The following TENM4 variants were observed in gnomAD, a reference collection of about 807,000 sequenced individuals.
TENM4 encodes the protein teneurin-4.
A neutral mutation model predicts 243.3 loss-of-function variants in TENM4; 82 were observed. The observed-to-expected ratio is 0.34, with a 90% CI of 0.28 to 0.40. TENM4 has a LOEUF of 0.40. TENM4 is among the 10% of genes least tolerant of loss of function. The probability of loss-of-function intolerance (pLI) is 1.00; values close to 1 mark genes in which losing one functional copy is unlikely to be tolerated. For missense variants in TENM4, 3,138 were observed against 3,673.3 expected, an observed-to-expected ratio of 0.85 and a Z score of 3.77; for synonymous variants, 1,412 against 1,456.3, an observed-to-expected ratio of 0.97 and a Z score of 0.69.
chr11:79,064,917 C>T lies in TENM4; in HGVS notation c.314G>A (p.Cys105Tyr). ...LYRTDIGLPH[C>Y]GYSMGAGSDA... ...AGAGCCAGCCCCCATGGAGTAGCCGCAGTGGGGGAGGCCAATGTCTGTCCG... is the reference window on the plus strand; with the variant it reads ...AGAGCCAGCCCCCATGGAGTAGCCGTAGTGGGGGAGGCCAATGTCTGTCCG... Residue 105 changes from cysteine (C) to tyrosine (Y), a missense_variant, in exon 6 of 34, where the codon TGC becomes TAC. Physicochemically the swap from Cys to Tyr is radical, Grantham distance 194. Around this residue, in one of 2 missense-constraint regions of TENM4, gnomAD observed 671 missense variants for 614.1 expected, o/e 1.09. Transcript: ENST00000278550. 1 of 1,541,964 alleles carries T rather than the reference C, an allele frequency of 6.5e-7. No individual in the cohort carries two copies. The highest frequency in any genetic ancestry group is 8.8e-7 in the Non-Finnish European group (1 of 1,140,362).
intron 32 of TENM4, among the ~76,000 whole-genome samples, chr11:78,666,690 G>C (rs1171142064): frequency 6.6e-6 from 1 of 152,238 alleles, no homozygotes; most frequent in Non-Finnish European, 1.5e-5. Flanking sequence ...TAGAGTCCTA[G>C]CTCTGTGGTC....
intron 1 of TENM4, among the ~76,000 whole-genome samples, chr11:79,367,339 C>T (rs935160755): frequency 1.3e-5 from 2 of 152,204 alleles, no homozygotes; most frequent in African/African-American, 4.8e-5. Context: ...GATTCCTTTA[C>T]AAGAAGCTAC....
chr11:79,375,971 A>T (rs1232119838), intron 1 of TENM4, among the ~76,000 whole-genome samples: 1 of 152,208 alleles, frequency 6.6e-6, no homozygotes, highest in East Asian at 1.9e-4. Context: ...CTACTCAAAC[A>T]GTGAGAAACA....
In TENM4 at chr11:78,722,748, G is replaced by A. The variant is rs377402929; in HGVS notation, c.3720C>T (p.Asp1240=). 240 of 1,614,060 alleles carry A rather than the reference G, an allele frequency of 1.5e-4. No homozygotes were observed. Among genetic ancestry groups the A allele is most frequent in the South Asian group, 1.3e-3 (117 of 91,088 alleles). Residue 1240 remains aspartate (D), a synonymous_variant, in exon 24 of 34, where the codon GAC becomes GAT. Transcript: ENST00000278550. ...LAPVALTCGS[D]GSLYVGDFNY... is the part of the protein sequence containing the mutation. The stretch of plus-strand genomic sequence containing the variant: ...TGAAATCACCCACATAGAGGCTCCC[G>A]TCAGAGCCACAGGTGAGGGCCACTG...
At position 78,771,090 on chromosome 11, in the gene TENM4, A is replaced by C; in HGVS notation, c.2441T>G (p.Leu814Arg). 1 of 1,574,862 alleles carries C rather than the reference A, an allele frequency of 6.3e-7. No individual in the cohort carries two copies. The highest frequency in any genetic ancestry group is 8.6e-7 in the Non-Finnish European group (1 of 1,160,020). Residue 814 changes from leucine to arginine, a missense_variant, in exon 18 of 34, where the codon CTG (leucine) becomes CGG (arginine). Coordinates refer to ENST00000278550, the MANE Select transcript of TENM4 (RefSeq NM_001098816.3). ...CTGGCAGACGCAGTGCCAACCATTC[A>C]GGTCTAAGGTACATCTGCCGTTGCC... ...CNGNGRCTLD[L>R]NGWHCVCQLG...
In TENM4 at chr11:78,655,142, G is replaced by A. The variant is rs1857860697; in HGVS notation, c.*2916C>T. 6.6e-6 allele frequency: 1 copy of A among 152,256 alleles called. No individual in the cohort carries two copies. Among genetic ancestry groups the A allele is most frequent in the Non-Finnish European group, 1.5e-5 (1 of 68,136 alleles). The allele number at this position is 152,256 out of a possible 1,614,324, so 9.4% of individuals were successfully genotyped here. A position where few individuals can be genotyped will look rare whatever the true frequency, so the allele number is the denominator to read the frequency against. ...TTGTGACTGCTGGTCTTAGCAGGAG[G>A]ACAGCTTGAGGAGGGAGTCACTGAG... On this transcript the variant is annotated 3_prime_UTR_variant, in exon 34 of 34. Coordinates refer to ENST00000278550, the MANE Select transcript of TENM4 (RefSeq NM_001098816.3).
At position 78,869,825 on chromosome 11, in the gene TENM4, T is replaced by A. The variant is rs192761642; in HGVS notation, c.1085-6693A>T. Among the ~76,000 whole-genome samples the A allele has an allele frequency of 2.1e-3, 315 of 152,218 alleles. 1 individual carries two copies. The highest frequency in any genetic ancestry group is 6.8e-3 in the Middle Eastern group (2 of 294). On this transcript the variant is annotated intron_variant, in intron 9 of 33. Transcript: ENST00000278550. ...AACTACATTACAATTTAAAAAAAAATTTTAAGACAAAGATTTCGCTGACAG... is the reference window on the plus strand; with the variant it reads ...AACTACATTACAATTTAAAAAAAAAATTTAAGACAAAGATTTCGCTGACAG...
At chr11:78,864,880 C>T (rs1445452676) in intron 9 of TENM4, among the ~76,000 whole-genome samples, 3 of 152,144 alleles carry the variant, frequency 2.0e-5, no homozygotes, top group African/African-American at 7.2e-5. Flanking sequence ...GTAGGGAAGA[C>T]AGACAAATAA....
chr11:79,320,369 C>T (rs532891522), intron 1 of TENM4, among the ~76,000 whole-genome samples: 3 of 152,312 alleles, frequency 2.0e-5, no homozygotes, highest in East Asian at 3.9e-4. Context: ...GTGAGGAGGG[C>T]TGCCCGGCTT....
At chr11:79,270,162 C>T (rs1266274198) in intron 2 of TENM4, among the ~76,000 whole-genome samples, 2 of 152,146 alleles carry the variant, frequency 1.3e-5, no homozygotes, top group Non-Finnish European at 2.9e-5. Context: ...AGCCTTGAGG[C>T]TTAGCTCCCT....
At chr11:79,428,108 G>C (rs1859093251) in intron 1 of TENM4, among the ~76,000 whole-genome samples, 1 of 152,228 alleles carries the variant, frequency 6.6e-6, no homozygotes, top group African/African-American at 2.4e-5. Flanking sequence ...TAGACTGGCG[G>C]CATCAACATC....
rs142437395 is a variant in TENM4 at position 79,168,380 on chromosome 11, G to A, written c.-162-19574C>T. Among the ~76,000 whole-genome samples the A allele has an allele frequency of 3.1e-3, 473 of 152,290 alleles. 1 individual carries two copies. The highest frequency in any genetic ancestry group is 5.3e-3 in the Non-Finnish European group (358 of 68,032). On this transcript the variant is annotated intron_variant, in intron 3 of 33. Coordinates refer to ENST00000278550, the MANE Select transcript of TENM4 (RefSeq NM_001098816.3). ...TGGGAGAATGACATGGTGATCCAGG[G>A]GTGTGGGGGGATGCCAAACCAGTCT...
rs569082783 is a variant in TENM4, at chr11:79,132,345, C to CAAAAAAAAAAAAAAAAAAAA, written c.-66+16364_-66+16365insTTTTTTTTTTTTTTTTTTTT. On this transcript the variant is annotated intron_variant, in intron 4 of 33. Coordinates refer to ENST00000278550, the MANE Select transcript of TENM4 (RefSeq NM_001098816.3). ...TGGGAGAAAGAGCAAGACTCCAACT[C>CAAAAAAAAAAAAAAAAAAAA]AAAAAAAAAAAAAAAAAGAGAAATG... Among the ~76,000 whole-genome samples, 71 of 49,882 alleles carry CAAAAAAAAAAAAAAAAAAAA rather than the reference C, an allele frequency of 1.4e-3. 4 individuals carry two copies. The highest frequency in any genetic ancestry group is 2.0e-3 in the African/African-American group (29 of 14,530). 32.7% of individuals were successfully genotyped at this position (49,882 alleles called of 152,430 possible).
chr11:79,120,225 A>C (rs1407757520), intron 4 of TENM4, among the ~76,000 whole-genome samples: 1 of 152,352 alleles, frequency 6.6e-6, no homozygotes, highest in East Asian at 1.9e-4. Context: ...GGGAATATGC[A>C]AAATATGTAA....
chr11:78,811,335 T>C (rs1346256943), intron 14 of TENM4, among the ~76,000 whole-genome samples: 3 of 152,230 alleles, frequency 2.0e-5, no homozygotes, highest in African/African-American at 7.2e-5. Context: ...TGAATCCCAA[T>C]TCTGCCATTA....
chr11:79,348,506 C>T (rs1186277493), intron 1 of TENM4, among the ~76,000 whole-genome samples: 1 of 152,162 alleles, frequency 6.6e-6, no homozygotes, highest in Admixed American at 6.5e-5. Context: ...TGCATCTTCA[C>T]AAAATTCATT....
intron 12 of TENM4, among the ~76,000 whole-genome samples, chr11:78,835,852 C>G (rs1003629285): frequency 6.6e-6 from 1 of 152,232 alleles, no homozygotes; most frequent in Non-Finnish European, 1.5e-5. Flanking sequence ...TCTTTCCGGA[C>G]AGACTTGAAG....
At chr11:79,152,257 G>C (rs1472150195) in intron 3 of TENM4, among the ~76,000 whole-genome samples, 1 of 152,114 alleles carries the variant, frequency 6.6e-6, no homozygotes, top group Non-Finnish European at 1.5e-5. Flanking sequence ...CCCATGTTTG[G>C]CTACATTCTA....
chr11:78,951,467 T>C (rs1162272269), intron 6 of TENM4, among the ~76,000 whole-genome samples: 1 of 152,222 alleles, frequency 6.6e-6, no homozygotes, highest in Non-Finnish European at 1.5e-5. Flanking sequence ...ATACCAGAGC[T>C]CTGGTCTTAG....
Sources: allele counts gnomAD v4.1 joint callset (sites outside exome capture counted in the v4.1 genomes callset), GRCh38; gene constraint gnomAD v4.1.1; regional missense constraint gnomAD v4.1.1; transcripts MANE v1.5; gene names NCBI Gene and HGNC (gene_info 2026-07-23, HGNC 2026-07-21).